Variants in MECOM observed in about 807,000 individuals in gnomAD.
MECOM encodes the protein histone-lysine N-methyltransferase MECOM.
MECOM carries 13 observed loss-of-function variants against 116.3 expected under a neutral mutation model. That is an observed-to-expected ratio of 0.11 (90% confidence interval 0.07 to 0.18). The LOEUF is 0.18. Ranked by LOEUF, MECOM falls within the 10% of genes least tolerant of loss-of-function variation. MECOM has a pLI of 1.00. For missense variants in MECOM, 1,299 were observed against 1,509.0 expected, an observed-to-expected ratio of 0.86 and a Z score of 2.31; for synonymous variants, 528 against 535.2, an observed-to-expected ratio of 0.99 and a Z score of 0.19.
chr3:169,631,900 G>C, intron 1 of MECOM, among the ~76,000 whole-genome samples: 1 of 151,958 alleles, frequency 6.6e-6, no homozygotes, highest in East Asian at 1.9e-4. Flanking sequence ...GAAACCCCAG[G>C]CTAGTGACAT....
At chr3:169,207,080 G>A (rs187809497) in intron 2 of MECOM, among the ~76,000 whole-genome samples, 10 of 152,224 alleles carry the variant, frequency 6.6e-5, no homozygotes, top group Admixed American at 6.5e-4. Context: ...CTAAACAAAA[G>A]CATTATAAGA....
chr3:169,608,956 G>A (rs953640328), intron 1 of MECOM, among the ~76,000 whole-genome samples: 2 of 151,996 alleles, frequency 1.3e-5, no homozygotes, highest in Admixed American at 6.6e-5. Flanking sequence ...AATCTGAGAC[G>A]CGTGATGGGA....
chr3:169,628,092 C>A (rs1287668964), intron 1 of MECOM, among the ~76,000 whole-genome samples: 1 of 152,188 alleles, frequency 6.6e-6, no homozygotes, highest in East Asian at 1.9e-4. Flanking sequence ...AGGGTCTCTA[C>A]CAAGAATATT....
At chr3:169,558,284 TAAAAG>T (rs1271353449) in intron 1 of MECOM, among the ~76,000 whole-genome samples, 3 of 152,144 alleles carry the variant, frequency 2.0e-5, no homozygotes, top group Admixed American at 6.6e-5. Context: ...ATATGAAAAA[TAAAAG>T]AAATAACTGA....
intron 1 of MECOM, among the ~76,000 whole-genome samples, chr3:169,515,306 C>G (rs572675544): frequency 9.8e-5 from 15 of 152,286 alleles, no homozygotes; most frequent in African/African-American, 2.9e-4. Flanking sequence ...ATTGTGTCTG[C>G]CCATGTTTCT....
At chr3:169,573,567 A>T (rs1049463970) in intron 1 of MECOM, among the ~76,000 whole-genome samples, 1 of 152,206 alleles carries the variant, frequency 6.6e-6, no homozygotes, top group African/African-American at 2.4e-5. Flanking sequence ...TGTAGCCACC[A>T]AAAAGAAGTC....
chr3:169,607,964 CTGTT>C (rs1405870185), intron 1 of MECOM, among the ~76,000 whole-genome samples: 2 of 152,218 alleles, frequency 1.3e-5, no homozygotes, highest in Non-Finnish European at 2.9e-5. Context: ...ACCTGACAGA[CTGTT>C]TGTCAGTTAA....
intron 1 of MECOM, among the ~76,000 whole-genome samples, chr3:169,442,573 T>A (rs1743915267): frequency 6.6e-6 from 1 of 152,200 alleles, no homozygotes; most frequent in South Asian, 2.1e-4. Flanking sequence ...AAGCTTCAGA[T>A]GTTTCATGTC....
intron 2 of MECOM, among the ~76,000 whole-genome samples, chr3:169,286,138 C>T (rs1055559391): frequency 6.6e-6 from 1 of 152,158 alleles, no homozygotes; most frequent in East Asian, 1.9e-4. Flanking sequence ...AAATTCACTT[C>T]GAAGAAACTT....
intron 1 of MECOM, among the ~76,000 whole-genome samples, chr3:169,416,437 T>C (rs762064969): frequency 4.6e-5 from 7 of 151,996 alleles, no homozygotes; most frequent in Non-Finnish European, 1.0e-4. Context: ...AGATCTAAAA[T>C]TGACACCCTA....
At chr3:169,593,980 G>A (rs573099960) in intron 1 of MECOM, among the ~76,000 whole-genome samples, 1 of 151,796 alleles carries the variant, frequency 6.6e-6, no homozygotes, top group Admixed American at 6.6e-5. Context: ...AATTAGCCGG[G>A]TGTGGTGGTG....
At chr3:169,520,642 G>A (rs1243722808) in intron 1 of MECOM, among the ~76,000 whole-genome samples, 1 of 152,090 alleles carries the variant, frequency 6.6e-6, no homozygotes, top group Non-Finnish European at 1.5e-5. Context: ...TATTTTCTTG[G>A]ATTATCTCAT....
rs376846213 is a variant in MECOM, at chr3:169,223,788, G to A, written c.376-79956C>T. On this transcript the variant is annotated intron_variant, in intron 2 of 16. Coordinates refer to ENST00000651503, the MANE Select transcript of MECOM (RefSeq NM_004991.4). ...TATGTACATAGGAAAAGGTATTCATGCTTTACTCTGAAAGTCAGAAACTCC... is the reference window on the plus strand; with the variant it reads ...TATGTACATAGGAAAAGGTATTCATACTTTACTCTGAAAGTCAGAAACTCC... 5.3e-5 allele frequency among the ~76,000 whole-genome samples: 8 copies of A among 152,250 alleles called. No homozygotes were observed. The South Asian group carries it at 1.7e-3, about 32-fold the overall frequency.
intron 2 of MECOM, among the ~76,000 whole-genome samples, chr3:169,285,961 C>G (rs1713220243): frequency 6.6e-6 from 1 of 152,196 alleles, no homozygotes; most frequent in African/African-American, 2.4e-5. Context: ...GTTTAATGTA[C>G]TTGGCAAGCA....
chr3:169,629,174 G>A (rs1271100023), intron 1 of MECOM, among the ~76,000 whole-genome samples: 5 of 149,110 alleles, frequency 3.4e-5, no homozygotes, highest in Admixed American at 2.7e-4. Context: ...AGGAGGAAAA[G>A]AAGGATATAA....
intron 1 of MECOM, among the ~76,000 whole-genome samples, chr3:169,622,027 C>T (rs953397541): frequency 2.6e-5 from 4 of 152,210 alleles, no homozygotes; most frequent in Non-Finnish European, 5.9e-5. Context: ...GTATTTTAAG[C>T]ACTCCAAACT....
chr3:169,446,652 C>T (rs547673881), intron 1 of MECOM, among the ~76,000 whole-genome samples: 93 of 152,142 alleles, frequency 6.1e-4, no homozygotes, highest in African/African-American at 2.1e-3. Flanking sequence ...GTGTGTTGTG[C>T]GTTATCTTTA....
At chr3:169,639,130 A>G (rs1391443476) in intron 1 of MECOM, among the ~76,000 whole-genome samples, 1 of 152,140 alleles carries the variant, frequency 6.6e-6, no homozygotes, top group African/African-American at 2.4e-5. Flanking sequence ...TAAAAAATAA[A>G]TGTTTACTTA....
intron 2 of MECOM, among the ~76,000 whole-genome samples, chr3:169,195,144 T>C (rs1267164679): frequency 1.3e-5 from 2 of 152,086 alleles, no homozygotes; most frequent in Non-Finnish European, 2.9e-5. Context: ...TGCAAGAACC[T>C]TGTAAAACAA....
Sources: allele counts gnomAD v4.1 joint callset (sites outside exome capture counted in the v4.1 genomes callset), GRCh38; gene constraint gnomAD v4.1.1; transcripts MANE v1.5; gene names NCBI Gene and HGNC (gene_info 2026-07-23, HGNC 2026-07-21).